Variants in CEPT1 observed in about 807,000 individuals in gnomAD.
CEPT1 encodes the protein choline/ethanolamine phosphotransferase 1.
In CEPT1, 7 loss-of-function variants were observed where a neutral mutation model predicts 42.6. The ratio of observed to expected loss-of-function variants is 0.16; its 90% CI spans 0.09 to 0.31. The LOEUF is 0.31. CEPT1 is among the 10% of genes least tolerant of loss of function. CEPT1 has a pLI of 1.00. For missense variants in CEPT1, 306 were observed against 502.1 expected, an observed-to-expected ratio of 0.61 and a Z score of 3.73; for synonymous variants, 171 against 171.9, an observed-to-expected ratio of 0.99 and a Z score of 0.04.
intron 2 of CEPT1, among the ~76,000 whole-genome samples, chr1:111,148,442 T>C (rs547819259): frequency 7.9e-5 from 12 of 152,196 alleles, no homozygotes; most frequent in South Asian, 2.1e-4. Context: ...ACTAGCCTTA[T>C]CAAAAGGTTT....
Position 111,184,721 on chromosome 1 carries a change from G to A in CEPT1, c.*411G>A, listed in dbSNP as rs887560512. The A allele has an allele frequency of 1.3e-5, 2 of 153,164 alleles. No individual in the cohort carries two copies. The highest frequency in any genetic ancestry group is 4.8e-5 in the African/African-American group (2 of 41,404). The allele number at this position is 153,164 out of a possible 1,614,324, so 9.5% of individuals were successfully genotyped here. ...ACATCCTTGTTTAGTGTCTTCTCAAGCTTTCTTTACTGAGGAATTCAGCTT... is the reference window on the plus strand; with the variant it reads ...ACATCCTTGTTTAGTGTCTTCTCAAACTTTCTTTACTGAGGAATTCAGCTT... On this transcript the variant is annotated 3_prime_UTR_variant, in exon 9 of 9. Coordinates refer to ENST00000357172, the MANE Select transcript of CEPT1 (RefSeq NM_006090.5).
In CEPT1 at chr1:111,147,816, A is replaced by G; in HGVS notation, c.102A>G (p.Lys34=). ...GTACTACAGGATGTGTATTAAATAA[A>G]TTGTTTCAGTTACCAACACCACCAT... is the stretch of plus-strand genomic sequence containing the variant. ...HMSTTGCVLN[K]LFQLPTPPLS... The change falls in exon 2 of 9, where the codon AAA becomes AAG. Residue 34 remains lysine (K), a synonymous_variant. Transcript: ENST00000357172. 2.5e-6 allele frequency: 4 copies of G among 1,614,126 alleles called. No individual in the cohort carries two copies. Among genetic ancestry groups the G allele is most frequent in the Non-Finnish European group, 3.4e-6 (4 of 1,180,006 alleles).
intron 2 of CEPT1, among the ~76,000 whole-genome samples, chr1:111,152,311 T>C (rs1655320769): frequency 7.7e-6 from 1 of 130,362 alleles, no homozygotes; most frequent in Admixed American, 7.8e-5. Flanking sequence ...TTAACTTATG[T>C]TGACATTGAA....
intron 2 of CEPT1, among the ~76,000 whole-genome samples, chr1:111,151,413 C>T (rs1174562786): frequency 6.6e-6 from 1 of 152,226 alleles, no homozygotes; most frequent in Non-Finnish European, 1.5e-5. Flanking sequence ...TGTGCCACCA[C>T]ACCCGGCCAG....
chr1:111,168,363 C>T (rs1220700131), intron 4 of CEPT1, among the ~76,000 whole-genome samples: 1 of 151,418 alleles, frequency 6.6e-6, no homozygotes, highest in Non-Finnish European at 1.5e-5. Context: ...ATCATTATAT[C>T]AATGCAAGGG....
At chr1:111,149,337 A>G (rs1655144072) in intron 2 of CEPT1, among the ~76,000 whole-genome samples, 1 of 147,074 alleles carries the variant, frequency 6.8e-6, no homozygotes, top group Non-Finnish European at 1.5e-5. Context: ...GTCTTGGCTC[A>G]CTGCAATTTC....
At position 111,142,213 on chromosome 1, in the gene CEPT1, A is replaced by C. The variant is rs184555698; in HGVS notation, c.-74+1906A>C. ...GTATTAATTAAATATCTCTGATTAT[A>C]CTTTTTCTACCTTTGTTGGATTTTC... On this transcript the variant is annotated intron_variant, in intron 1 of 8. Coordinates refer to ENST00000357172, the MANE Select transcript of CEPT1 (RefSeq NM_006090.5). Among the ~76,000 whole-genome samples, 6 of 152,312 alleles carry C rather than the reference A, an allele frequency of 3.9e-5. No individual in the cohort carries two copies. In the East Asian group the frequency reaches 1.2e-3, roughly 29 times the overall value.
chr1:111,173,971 T>C (rs1292244119), intron 4 of CEPT1, among the ~76,000 whole-genome samples: 1 of 152,168 alleles, frequency 6.6e-6, no homozygotes, highest in Non-Finnish European at 1.5e-5. Context: ...TAAATTATGC[T>C]ATTATAAATT....
chr1:111,164,905 G>A (rs1656059082), intron 4 of CEPT1, among the ~76,000 whole-genome samples: 1 of 151,728 alleles, frequency 6.6e-6, no homozygotes, highest in Non-Finnish European at 1.5e-5. Context: ...TTAGGTGTGA[G>A]CCACCGCACC....
At chr1:111,165,726 T>A (rs1394696312) in intron 4 of CEPT1, among the ~76,000 whole-genome samples, 2 of 152,218 alleles carry the variant, frequency 1.3e-5, no homozygotes, top group African/African-American at 2.4e-5. Flanking sequence ...AATTCATGCT[T>A]CTAAAGTTTC....
At chr1:111,146,272 T>A (rs1654959568) in intron 1 of CEPT1, among the ~76,000 whole-genome samples, 1 of 152,114 alleles carries the variant, frequency 6.6e-6, no homozygotes, top group Non-Finnish European at 1.5e-5. Flanking sequence ...AAACTCCAGT[T>A]TTTTGATTTT....
intron 3 of CEPT1, chr1:111,160,304 G>A (rs1655801025): frequency 6.6e-6 from 1 of 152,120 alleles, no homozygotes; most frequent in African/African-American, 2.4e-5. Context: ...CTTTCTGACA[G>A]GAACTCATCC....
At chr1:111,161,819 C>A (rs953995179) in intron 4 of CEPT1, among the ~76,000 whole-genome samples, 1 of 152,182 alleles carries the variant, frequency 6.6e-6, no homozygotes, top group Non-Finnish European at 1.5e-5. Flanking sequence ...TATCTGTCAG[C>A]CCTAATGTAT....
At chr1:111,153,886 G>A (rs374236933) in intron 2 of CEPT1, among the ~76,000 whole-genome samples, 8 of 152,260 alleles carry the variant, frequency 5.3e-5, no homozygotes, top group South Asian at 2.1e-4. Context: ...GTCAGGTAGT[G>A]TGATGCCTCC....
At chr1:111,164,781 G>T (rs1372830889) in intron 4 of CEPT1, among the ~76,000 whole-genome samples, 1 of 151,696 alleles carries the variant, frequency 6.6e-6, no homozygotes, top group Admixed American at 6.6e-5. Flanking sequence ...CTGCCACCAT[G>T]CCCAGCTAGT....
At chr1:111,146,891 C>G (rs996222097) in intron 1 of CEPT1, among the ~76,000 whole-genome samples, 1 of 151,518 alleles carries the variant, frequency 6.6e-6, no homozygotes, top group African/African-American at 2.4e-5. Flanking sequence ...ATATCTCCAC[C>G]GAGAATACCG....
At chr1:111,160,892 C>T (rs1221889308) in intron 3 of CEPT1, 1 of 463,632 alleles carries the variant, frequency 2.2e-6, no homozygotes, top group Non-Finnish European at 3.8e-6. Context: ...GGAAAATACT[C>T]GAAGAAATGT....
chr1:111,183,086 A>G, intron 7 of CEPT1, 129 bp downstream of exon 7: 1 of 885,192 alleles, frequency 1.1e-6, no homozygotes, highest in East Asian at 2.5e-5. Context: ...GAATCTCTTG[A>G]TATCAACATG....
At chr1:111,167,143 T>G in intron 4 of CEPT1, 1 of 985,322 alleles carries the variant, frequency 1.0e-6, no homozygotes, top group Non-Finnish European at 1.2e-6. Flanking sequence ...AATTATAATA[T>G]GCCAGCTTCT....
Sources: allele counts gnomAD v4.1 joint callset (sites outside exome capture counted in the v4.1 genomes callset), GRCh38; gene constraint gnomAD v4.1.1; transcripts MANE v1.5; gene names NCBI Gene and HGNC (gene_info 2026-07-23, HGNC 2026-07-21).